ACMSD: variants seen among roughly 807,000 people sequenced by gnomAD.
ACMSD encodes 2-amino-3-carboxymuconate-6-semialdehyde decarboxylase.
Under a neutral mutation model 45.9 loss-of-function variants are expected in ACMSD, and 37 were observed. The observed-to-expected ratio is 0.81, with a 90% CI of 0.62 to 1.06. The LOEUF is 1.06. ACMSD is among the 50% of genes least tolerant of loss of function. ACMSD has a pLI of 0.00. For synonymous variants in ACMSD, 138 were observed against 148.8 expected (o/e 0.93, Z 0.53); for missense variants, 434 against 420.9 (o/e 1.03, Z -0.27).
At chr2:134,867,863 A>T in intron 6 of ACMSD, 191 bp downstream of exon 6, 1 of 375,642 alleles carries the variant, frequency 2.7e-6, no homozygotes, top group South Asian at 1.2e-4. Flanking sequence ...TTAATTTTAA[A>T]CATATCCAAT....
intron 8 of ACMSD, chr2:134,873,633 A>G (rs2104891172): frequency 6.6e-6 from 1 of 152,376 alleles, no homozygotes; most frequent in South Asian, 2.1e-4. Flanking sequence ...TTTATCTCAT[A>G]TTAATGCTGA....
At chr2:134,899,941 T>C (rs1690404883) in intron 9 of ACMSD, among the ~76,000 whole-genome samples, 1 of 152,142 alleles carries the variant, frequency 6.6e-6, no homozygotes, top group Non-Finnish European at 1.5e-5. Flanking sequence ...TGAATATAAG[T>C]ATTTGCTTAT....
At chr2:134,857,043 G>A (rs920041577) in intron 2 of ACMSD, among the ~76,000 whole-genome samples, 6 of 151,956 alleles carry the variant, frequency 3.9e-5, no homozygotes, top group South Asian at 4.1e-4. Flanking sequence ...TTTTCCATTC[G>A]TCTGTGTCTT....
intron 3 of ACMSD, 116 bp downstream of exon 3, chr2:134,859,473 C>A: frequency 1.1e-6 from 1 of 908,940 alleles, no homozygotes; most frequent in Non-Finnish European, 1.7e-6. Flanking sequence ...TCTGCCAGGA[C>A]AGGCTGTTCC....
chr2:134,861,323 G>A (rs534201856), intron 3 of ACMSD, among the ~76,000 whole-genome samples: 2 of 152,268 alleles, frequency 1.3e-5, no homozygotes, highest in East Asian at 1.9e-4. Context: ...ACGGCTGCAC[G>A]GTAAACGAAG....
intron 8 of ACMSD, among the ~76,000 whole-genome samples, chr2:134,895,386 T>C (rs1050835385): frequency 8.7e-5 from 10 of 114,936 alleles, no homozygotes; most frequent in South Asian, 3.4e-4. Flanking sequence ...AAAACATTGT[T>C]GAAGAAAATT....
At chr2:134,868,536 T>C (rs1232194422) in intron 6 of ACMSD, among the ~76,000 whole-genome samples, 4 of 143,096 alleles carry the variant, frequency 2.8e-5, no homozygotes, top group Admixed American at 1.5e-4. Flanking sequence ...CACTGAAAAC[T>C]CCACCTCCCA....
intron 8 of ACMSD, chr2:134,873,045 T>C (rs1688541195): frequency 4.9e-6 from 1 of 202,796 alleles, no homozygotes. Context: ...ACTAGTTGGG[T>C]AAATTGTGAA....
intron 9 of ACMSD, among the ~76,000 whole-genome samples, chr2:134,901,415 G>T (rs1573742541): frequency 6.6e-6 from 1 of 152,096 alleles, no homozygotes; most frequent in Non-Finnish European, 1.5e-5. Flanking sequence ...AGCAGCTGGG[G>T]GATGGCTAGA....
chr2:134,896,526 C>G (rs1573731606), intron 8 of ACMSD, among the ~76,000 whole-genome samples: 1 of 152,070 alleles, frequency 6.6e-6, no homozygotes, highest in East Asian at 1.9e-4. Context: ...GGAAGAGATA[C>G]AAATAGCCAA....
At chr2:134,884,150 T>C (rs1362037237) in intron 8 of ACMSD, among the ~76,000 whole-genome samples, 1 of 152,158 alleles carries the variant, frequency 6.6e-6, no homozygotes, top group East Asian at 1.9e-4. Flanking sequence ...TGTACATAAT[T>C]ACAAGTAGAT....
At chr2:134,885,578 G>A (rs1689390118) in intron 8 of ACMSD, among the ~76,000 whole-genome samples, 1 of 149,560 alleles carries the variant, frequency 6.7e-6, no homozygotes, top group African/African-American at 2.5e-5. Flanking sequence ...TTATGAACAT[G>A]TATCAGAGTT....
At chr2:134,853,287 C>T (rs974561415) in intron 2 of ACMSD, among the ~76,000 whole-genome samples, 5 of 151,002 alleles carry the variant, frequency 3.3e-5, no homozygotes, top group African/African-American at 1.2e-4. Context: ...AGAATTAGAA[C>T]TTAAAAGTCA....
intron 8 of ACMSD, among the ~76,000 whole-genome samples, chr2:134,896,055 T>C (rs1690130318): frequency 6.6e-6 from 1 of 152,202 alleles, no homozygotes; most frequent in Non-Finnish European, 1.5e-5. Context: ...TGATAAAGAA[T>C]AGTCTTTTCA....
In ACMSD at chr2:134,847,546, G is replaced by A. The variant is rs561444659; in HGVS notation, c.102+2269G>A. ...ACATAGGTATACAAGTGCCATGGTG[G>A]TTCACTGCACCCATCAACTCGTCAT... is the stretch of plus-strand genomic sequence containing the variant. On this transcript the variant is annotated intron_variant, in intron 2 of 9. Transcript: ENST00000356140. Among the ~76,000 whole-genome samples, 23 of 152,250 alleles carry A rather than the reference G, an allele frequency of 1.5e-4. 2 individuals are homozygous for A. In the South Asian group the frequency reaches 3.3e-3, roughly 22 times the overall value.
intron 8 of ACMSD, among the ~76,000 whole-genome samples, chr2:134,885,294 T>TAA (rs1573703792): frequency 1.1e-5 from 1 of 91,032 alleles, no homozygotes; most frequent in East Asian, 7.8e-4. Flanking sequence ...ATTATATTTA[T>TAA]ATATATATTT....
At chr2:134,852,070 G>A (rs1042609854) in intron 2 of ACMSD, among the ~76,000 whole-genome samples, 4 of 152,080 alleles carry the variant, frequency 2.6e-5, no homozygotes, top group Non-Finnish European at 5.9e-5. Context: ...AAAACAAACG[G>A]CACACTTAAA....
chr2:134,855,485 G>T (rs1285596642), intron 2 of ACMSD, among the ~76,000 whole-genome samples: 1 of 152,242 alleles, frequency 6.6e-6, no homozygotes, highest in African/African-American at 2.4e-5. Context: ...TTGGGGCAGG[G>T]AGAGCAAGTA....
rs1690515006 is a variant in ACMSD at position 134,901,779 on chromosome 2, T to C, written c.949-19T>C. 2 of 1,585,476 alleles carry C rather than the reference T, an allele frequency of 1.3e-6. No homozygotes were observed. The highest frequency in any genetic ancestry group is 2.3e-5 in the South Asian group (2 of 86,864). On this transcript the variant is annotated intron_variant, in intron 9 of 9. Transcript: ENST00000356140. ...AAAAACAACCAATAATGCTTTAAAA[T>C]ATTTTCTTTTCTTTTCAGAATAAAC...
Sources: allele counts gnomAD v4.1 joint callset (sites outside exome capture counted in the v4.1 genomes callset), GRCh38; gene constraint gnomAD v4.1.1; transcripts MANE v1.5; gene names NCBI Gene and HGNC (gene_info 2026-07-23, HGNC 2026-07-21).